Variants in CERS2 observed in about 807,000 individuals in gnomAD.
CERS2 encodes the protein LAG1 homolog, ceramide synthase 2.
Under a neutral mutation model 56.6 loss-of-function variants are expected in CERS2, and 20 were observed. The observed-to-expected ratio is 0.35, with a 90% CI of 0.25 to 0.51. The LOEUF (loss-of-function observed/expected upper bound fraction) is 0.51, where lower values mean the gene tolerates loss of function less well. Ranked by LOEUF, CERS2 falls within the 20% of genes least tolerant of loss-of-function variation. CERS2 has a pLI of 0.96. For missense variants in CERS2, 361 were observed against 488.6 expected, an observed-to-expected ratio of 0.74 and a Z score of 2.46; for synonymous variants, 187 against 175.4, an observed-to-expected ratio of 1.07 and a Z score of -0.52.
Position 150,969,101 on chromosome 1 carries a change from G to C in CERS2, c.-1-10C>G. ...CAAGGTCTGGAGCATCCTGAGTGAG[G>C]GGCAAAGGGGAGGGCATCAAGAGGG... is the stretch of plus-strand genomic sequence containing the variant. On this transcript the variant is annotated splice_polypyrimidine_tract_variant and intron_variant, in intron 1 of 10. Coordinates refer to ENST00000368954, the MANE Select transcript of CERS2 (RefSeq NM_022075.5). The C allele has an allele frequency of 6.2e-7, 1 of 1,613,050 alleles. No individual in the cohort carries two copies. The highest frequency in any genetic ancestry group is 1.1e-5 in the South Asian group (1 of 91,068).
intron 2 of CERS2, 80 bp downstream of exon 2, chr1:150,968,838 A>T (rs1484584691): frequency 2.9e-6 from 4 of 1,387,176 alleles, no homozygotes; most frequent in Non-Finnish European, 4.0e-6. Context: ...GGGCTAATTA[A>T]ACAGCAAGGA....
rs1671005515 is a variant in CERS2 at position 150,966,127 on chromosome 1, G to C, written c.*21C>G. ...TTCCTTGGCTTTATGCATTAATCTG[G>C]GAGGCAGCTGGAGTAATGGTTCAGT... On this transcript the variant is annotated 3_prime_UTR_variant, in exon 11 of 11. Coordinates refer to ENST00000368954, the MANE Select transcript of CERS2 (RefSeq NM_022075.5). 6.2e-7 allele frequency: 1 copy of C among 1,609,842 alleles called. No individual in the cohort carries two copies. Among genetic ancestry groups the C allele is most frequent in the South Asian group, 1.1e-5 (1 of 90,504 alleles).
intron 10 of CERS2, 29 bp downstream of exon 10, chr1:150,966,447 A>C (rs748866062): frequency 6.8e-6 from 11 of 1,613,070 alleles, no homozygotes; most frequent in Non-Finnish European, 9.3e-6. Flanking sequence ...GAGAGTAGTA[A>C]GGCCTACACA....
chr1:150,966,026 T>C lies in CERS2; in HGVS notation c.*122A>G. 1 of 1,021,698 alleles carries C rather than the reference T, an allele frequency of 9.8e-7. No homozygotes were observed. The highest frequency in any genetic ancestry group is 1.4e-6 in the Non-Finnish European group (1 of 713,268). 63.3% of individuals were successfully genotyped at this position (1,021,698 alleles called of 1,614,324 possible). ...CTGGGTGACAAGCAAGGAGGGAGGA[T>C]GCAGAGAACTCTCCTCTCACTTTCT... On this transcript the variant is annotated 3_prime_UTR_variant, in exon 11 of 11. Coordinates refer to ENST00000368954, the MANE Select transcript of CERS2 (RefSeq NM_022075.5).
At chr1:150,969,214 T>A in intron 1 of CERS2, 123 bp from the exon 2 acceptor site, 3 of 766,274 alleles carry the variant, frequency 3.9e-6, no homozygotes, top group Non-Finnish European at 6.3e-6. Flanking sequence ...TCTAGATCCC[T>A]ATCCTGGCTA....
In CERS2 at chr1:150,968,074, CT is replaced by C; in HGVS notation, c.410+8del. ...CTTGTCACCCAGCTTCTGCCCCAGC[CT>C]CCCCCACCTGGCTTCTCGGAACTTC... On this transcript the variant is annotated splice_region_variant and intron_variant, in intron 4 of 10. Transcript: ENST00000368954. 1 of 1,608,632 alleles carries C rather than the reference CT, an allele frequency of 6.2e-7. No individual in the cohort carries two copies. The highest frequency in any genetic ancestry group is 1.1e-5 in the South Asian group (1 of 91,050).
Position 150,967,455 on chromosome 1 carries a change from G to A in CERS2, c.549C>T (p.Tyr183=). ...QSTIPSQYWY[Y]MIELSFYWSL... The stretch of plus-strand genomic sequence containing the variant: ...ACCAGTAGAAGGAAAGTTCAATCAT[G>A]TAGTACCAATACTGGGAAGGGATAG... Residue 183 remains tyrosine, a synonymous_variant, in exon 7 of 11, where the codon TAC becomes TAT. Transcript: ENST00000368954. The A allele has an allele frequency of 6.3e-7, 1 of 1,598,630 alleles. No homozygotes were observed. Among genetic ancestry groups the A allele is most frequent in the African/African-American group, 1.3e-5 (1 of 74,684 alleles).
Position 150,966,462 on chromosome 1 carries a change from G to A in CERS2, c.1002+14C>T, listed in dbSNP as rs772147627. ...GAGAGTAGTAAGGCCTACACAATGG[G>A]AACAGGGCTTCACCTTTCCAGTTAT... On this transcript the variant is annotated intron_variant, in intron 10 of 10. Transcript: ENST00000368954. 2 of 1,614,000 alleles carry A rather than the reference G, an allele frequency of 1.2e-6. No individual in the cohort carries two copies. The highest frequency in any genetic ancestry group is 1.1e-5 in the South Asian group (1 of 91,064).
At position 150,966,677 on chromosome 1, in the gene CERS2, C is replaced by T. The variant is rs367865938; in HGVS notation, c.849-48G>A. The T allele has an allele frequency of 8.1e-6, 13 of 1,609,044 alleles. No individual in the cohort carries two copies. The African/African-American group carries it at 1.5e-4, about 18-fold the overall frequency. The stretch of plus-strand genomic sequence containing the variant: ...AACGTGGACAAGAGCAGGTCAGACA[C>T]CGGGGAGATACAGGAGGGGAAGAAA... On this transcript the variant is annotated intron_variant, in intron 9 of 10. Coordinates refer to ENST00000368954, the MANE Select transcript of CERS2 (RefSeq NM_022075.5).
Position 150,968,726 on chromosome 1 carries a change from G to T in CERS2, c.173+192C>A, listed in dbSNP as rs182705117. Among the ~76,000 whole-genome samples, 300 of 152,284 alleles carry T rather than the reference G, an allele frequency of 2.0e-3. 4 individuals carry two copies. Among genetic ancestry groups the T allele is most frequent in the Non-Finnish European group, 2.3e-3 (154 of 68,026 alleles). ...GGGTGAGAACAAATAACCATTGATG[G>T]AAAGGGCCTGGGGGTGCTGAGCCTT... On this transcript the variant is annotated intron_variant, in intron 2 of 10. Transcript: ENST00000368954.
chr1:150,967,697 G>A lies in CERS2; in HGVS notation c.486C>T (p.Asp162=). Residue 162 remains aspartate (D), a synonymous_variant, in exon 6 of 11, where the codon GAC becomes GAT. Coordinates refer to ENST00000368954, the MANE Select transcript of CERS2 (RefSeq NM_022075.5). ...GATATCCCTCCCAAACTTTCTTCAT[G>A]TCATAGAACCAGGGTTTCTGCAGAG... ...AVIVDKPWFY[D]MKKVWEGYPI... 2 of 1,613,966 alleles carry A rather than the reference G, an allele frequency of 1.2e-6. No homozygotes were observed. The highest frequency in any genetic ancestry group is 2.2e-5 in the South Asian group (2 of 91,070).
At chr1:150,973,013 GA>G (rs1427511967) in intron 1 of CERS2, 1 of 152,178 alleles carries the variant, frequency 6.6e-6, no homozygotes, top group Non-Finnish European at 1.5e-5. Context: ...GAGGAAAATA[GA>G]AAGGAGTTGT....
At position 150,966,556 on chromosome 1, in the gene CERS2, T is replaced by A; in HGVS notation, c.922A>T (p.Met308Leu). The change falls in exon 10 of 11, where the codon ATG becomes TTG. Residue 308 changes from methionine to leucine, a missense_variant. Physicochemically the swap from Met to Leu is conservative, Grantham distance 15. This residue lies in a region of CERS2 where 122 missense variants were observed against 151.9 expected (regional missense o/e 0.80). Coordinates refer to ENST00000368954, the MANE Select transcript of CERS2 (RefSeq NM_022075.5). ...AFFGYYFFNS[M>L]MGVLQLLHIF... ...TGCAGCAGCTGTAGAACTCCCATCA[T>A]GGAATTGAAGAAGTAATAGCCAAAG... The A allele has an allele frequency of 6.2e-7, 1 of 1,614,008 alleles. No individual in the cohort carries two copies. The highest frequency in any genetic ancestry group is 8.5e-7 in the Non-Finnish European group (1 of 1,179,988).
At position 150,967,206 on chromosome 1, in the gene CERS2, C is replaced by T; in HGVS notation, c.613-4G>A. ...GGATGATCTGTTCCTTGAAATCCTGCAGAGATGATGCAGGCCCCAGGGCCT... is the reference window on the plus strand; with the variant it reads ...GGATGATCTGTTCCTTGAAATCCTGTAGAGATGATGCAGGCCCCAGGGCCT... On this transcript the variant is annotated splice_polypyrimidine_tract_variant and splice_region_variant and intron_variant, in intron 7 of 10. Transcript: ENST00000368954. 1 of 1,613,902 alleles carries T rather than the reference C, an allele frequency of 6.2e-7. No homozygotes were observed. The highest frequency in any genetic ancestry group is 1.7e-5 in the Admixed American group (1 of 60,018).
intron 2 of CERS2, 106 bp from the exon 3 acceptor site, chr1:150,968,618 C>T (rs1671093112): frequency 2.1e-6 from 2 of 938,702 alleles, no homozygotes; most frequent in Admixed American, 1.9e-5. Context: ...CCTGGCAACC[C>T]CCTTTTCTCT....
intron 2 of CERS2, among the ~76,000 whole-genome samples, 181 bp from the exon 3 acceptor site, chr1:150,968,693 C>G (rs189678915): frequency 6.6e-6 from 1 of 152,036 alleles, no homozygotes; most frequent in Admixed American, 6.6e-5. Flanking sequence ...AGGCGGGCGG[C>G]GGGTAGAGGG....
intron 1 of CERS2, chr1:150,971,825 G>A (rs1441278813): frequency 6.4e-6 from 3 of 470,938 alleles, no homozygotes; most frequent in South Asian, 4.6e-5. Flanking sequence ...GATTGGAAGC[G>A]AGAAATCAGC....
rs767926302 is a variant in CERS2, at chr1:150,966,712, C to G, written c.848+44G>C. ...ACAGGAGGGGAAGAAAGGCAAGGCT[C>G]CTGATTTCTTCAGAACAGGAGTGTA... On this transcript the variant is annotated intron_variant, in intron 9 of 10. Transcript: ENST00000368954. The G allele has an allele frequency of 2.5e-6, 4 of 1,601,100 alleles. No individual in the cohort carries two copies. In the South Asian group the frequency reaches 4.4e-5, roughly 18 times the overall value.
At chr1:150,966,667 AG>A (rs1558031711) in intron 9 of CERS2, 38 bp from the exon 10 acceptor site, 2 of 1,612,028 alleles carry the variant, frequency 1.2e-6, no homozygotes, top group East Asian at 4.5e-5. Context: ...GGACAAGAGC[AG>A]GTCAGACACC....
Sources: gnomAD v4.1 joint callset for allele counts (sites outside exome capture counted in the v4.1 genomes callset) on GRCh38, gnomAD v4.1.1 for gene constraint, gnomAD v4.1.1 regional missense constraint, MANE v1.5 for transcripts, NCBI Gene and HGNC (gene_info 2026-07-23, HGNC 2026-07-21) for gene names.